Variants in TMEM243 observed in about 807,000 individuals in gnomAD.
The protein encoded by TMEM243 is transmembrane protein 243.
TMEM243 carries 20 observed loss-of-function variants against 15.0 expected under a neutral mutation model. The ratio of observed to expected loss-of-function variants is 1.33; its 90% CI spans 0.94 to 1.93. The LOEUF is 1.93. Among genes scored for constraint, TMEM243 ranks in the 30% most tolerant of loss-of-function variants. The pLI, the probability that TMEM243 is intolerant of heterozygous loss-of-function variation, is 0.00. For synonymous variants in TMEM243, 72 were observed against 52.7 expected, an observed-to-expected ratio of 1.37 and a Z score of -1.59; for missense variants, 156 against 142.1, an observed-to-expected ratio of 1.10 and a Z score of -0.50.
intron 1 of TMEM243, among the ~76,000 whole-genome samples, chr7:87,206,197 CA>C (rs1024427939): frequency 1.3e-5 from 2 of 152,060 alleles, no homozygotes; most frequent in Non-Finnish European, 2.9e-5. Context: ...GTCCCTCCCA[CA>C]ACACGTGGGA....
upstream of TMEM243, chr7:87,220,515 G>A (rs1803456869): frequency 6.6e-6 from 1 of 152,302 alleles, no homozygotes; most frequent in Non-Finnish European, 1.5e-5. Flanking sequence ...TCGCAGCGCT[G>A]CGGATCACCT....
chr7:87,204,440 G>C (rs149899672), intron 1 of TMEM243, among the ~76,000 whole-genome samples: 1,745 of 152,284 alleles, frequency 0.011, 35 homozygotes, highest in African/African-American at 0.04. Context: ...TCTCATCTGA[G>C]ACAAGTCCAC....
intron 1 of TMEM243, among the ~76,000 whole-genome samples, chr7:87,215,704 T>C (rs565895865): frequency 5.9e-5 from 9 of 152,246 alleles, no homozygotes; most frequent in African/African-American, 2.2e-4. Flanking sequence ...TTGGGAATGG[T>C]TCAAAAAAGA....
intron 1 of TMEM243, among the ~76,000 whole-genome samples, chr7:87,214,989 C>T (rs1163795066): frequency 1.3e-5 from 2 of 151,478 alleles, no homozygotes; most frequent in East Asian, 3.9e-4. Flanking sequence ...CAAGTCAGTG[C>T]TCAGGAAGTT....
intron 1 of TMEM243, among the ~76,000 whole-genome samples, chr7:87,212,188 C>G (rs1802801752): frequency 6.6e-6 from 1 of 152,138 alleles, no homozygotes; most frequent in African/African-American, 2.4e-5. Flanking sequence ...TAAATGGCAG[C>G]TAATATGGTA....
chr7:87,214,489 C>G (rs896709021), intron 1 of TMEM243, among the ~76,000 whole-genome samples: 1 of 152,154 alleles, frequency 6.6e-6, no homozygotes, highest in Non-Finnish European at 1.5e-5. Flanking sequence ...AGAAACGTAT[C>G]TAGTGAATGC....
chr7:87,197,524 G>GTAGAT (rs1188640125), intron 3 of TMEM243, among the ~76,000 whole-genome samples: 1 of 151,858 alleles, frequency 6.6e-6, no homozygotes, highest in African/African-American at 2.4e-5. Flanking sequence ...AAACAAACAT[G>GTAGAT]TAGATTAAAC....
intron 1 of TMEM243, among the ~76,000 whole-genome samples, chr7:87,202,167 C>G (rs1051815981): frequency 3.3e-5 from 5 of 152,184 alleles, no homozygotes; most frequent in African/African-American, 2.4e-5. Context: ...ATAAAAACAT[C>G]TCTACCTTCC....
At chr7:87,202,030 AGAC>A (rs1197184791) in intron 1 of TMEM243, among the ~76,000 whole-genome samples, 1 of 152,214 alleles carries the variant, frequency 6.6e-6, no homozygotes, top group African/African-American at 2.4e-5. Flanking sequence ...ATGAACATAA[AGAC>A]AGACGTTGTG....
intron 1 of TMEM243, among the ~76,000 whole-genome samples, chr7:87,209,684 C>CTGAGAG (rs1554365987): frequency 1.4e-5 from 1 of 73,194 alleles, no homozygotes; most frequent in South Asian, 5.1e-4. Flanking sequence ...GAGCGAGACA[C>CTGAGAG]AGCGAGAGAG....
chr7:87,216,203 G>T (rs1803104833), intron 1 of TMEM243, among the ~76,000 whole-genome samples: 1 of 151,622 alleles, frequency 6.6e-6, no homozygotes, highest in Non-Finnish European at 1.5e-5. Context: ...GAACCTGGGA[G>T]GCGGAGCTTG....
At chr7:87,215,423 T>C (rs1803035078) in intron 1 of TMEM243, among the ~76,000 whole-genome samples, 1 of 152,180 alleles carries the variant, frequency 6.6e-6, no homozygotes, top group East Asian at 1.9e-4. Flanking sequence ...TTTTTAAATA[T>C]TGATTATATG....
chr7:87,219,416 C>A lies in TMEM243; in HGVS notation c.78+10G>T. On this transcript the variant is annotated intron_variant, in intron 1 of 3. Coordinates refer to ENST00000257637, the MANE Select transcript of TMEM243 (RefSeq NM_024315.4). The stretch of plus-strand genomic sequence containing the variant: ...CCCCATCCCAGTCTGGAGTCACAAT[C>A]CGCACTCACCTTGGCGGACGTCTCC... 6.2e-7 allele frequency: 1 copy of A among 1,614,006 alleles called. No homozygotes were observed. The highest frequency in any genetic ancestry group is 8.5e-7 in the Non-Finnish European group (1 of 1,179,840).
intron 1 of TMEM243, among the ~76,000 whole-genome samples, chr7:87,203,471 T>C (rs546418913): frequency 1.3e-5 from 2 of 151,872 alleles, no homozygotes; most frequent in Admixed American, 6.6e-5. Flanking sequence ...AAAAATTATC[T>C]GGGTTTGATG....
chr7:87,204,080 C>T (rs906377176), intron 1 of TMEM243, among the ~76,000 whole-genome samples: 8 of 152,152 alleles, frequency 5.3e-5, no homozygotes, highest in Admixed American at 2.6e-4. Flanking sequence ...GTGATAGGCA[C>T]GTCTTACATG....
At chr7:87,201,206 T>G (rs1179599150) in intron 1 of TMEM243, among the ~76,000 whole-genome samples, 3 of 152,236 alleles carry the variant, frequency 2.0e-5, no homozygotes, top group Non-Finnish European at 4.4e-5. Context: ...AGCCAAGGCC[T>G]TCTATCAACC....
At chr7:87,198,827 T>C (rs1801572640) in intron 2 of TMEM243, 180 bp downstream of exon 2, 5 of 551,542 alleles carry the variant, frequency 9.1e-6, no homozygotes, top group Non-Finnish European at 1.6e-5. Context: ...CTTGTACCAT[T>C]TCACATATTC....
intron 1 of TMEM243, among the ~76,000 whole-genome samples, chr7:87,209,798 CAG>C (rs1491162498): frequency 6.9e-5 from 6 of 86,868 alleles, no homozygotes; most frequent in Non-Finnish European, 1.2e-4. Flanking sequence ...GAGAGCGAGA[CAG>C]AGCGAGAGAC....
At chr7:87,209,424 AAGAG>A (rs560648120) in intron 1 of TMEM243, among the ~76,000 whole-genome samples, 104 of 150,412 alleles carry the variant, frequency 6.9e-4, no homozygotes, top group African/African-American at 2.4e-3. Flanking sequence ...GCGAGAGTGA[AAGAG>A]AGTGAGACAG....
Sources: allele counts gnomAD v4.1 joint callset (sites outside exome capture counted in the v4.1 genomes callset), GRCh38; gene constraint gnomAD v4.1.1; transcripts MANE v1.5; gene names NCBI Gene and HGNC (gene_info 2026-07-23, HGNC 2026-07-21).